Variants in ZNF407 observed in about 807,000 individuals in gnomAD.
ZNF407 encodes zinc finger protein 407.
Under a neutral mutation model 131.2 loss-of-function variants are expected in ZNF407, and 17 were observed. The observed-to-expected ratio is 0.13, with a 90% CI of 0.09 to 0.19. The LOEUF is 0.19. Ranked by LOEUF, ZNF407 falls within the 10% of genes least tolerant of loss-of-function variation. ZNF407 has a pLI of 1.00. For synonymous variants in ZNF407, 1,156 were observed against 1,062.0 expected, an observed-to-expected ratio of 1.09 and a Z score of -1.72; for missense variants, 2,681 against 2,830.6, an observed-to-expected ratio of 0.95 and a Z score of 1.20.
chr18:74,621,580 T>A (rs1318073716), intron 1 of ZNF407, among the ~76,000 whole-genome samples: 1 of 152,108 alleles, frequency 6.6e-6, no homozygotes, highest in Non-Finnish European at 1.5e-5. Context: ...CCACAGCTGC[T>A]TAAATGTCCC....
intron 4 of ZNF407, among the ~76,000 whole-genome samples, chr18:74,868,862 A>T (rs576936273): frequency 6.6e-6 from 1 of 152,230 alleles, no homozygotes; most frequent in Non-Finnish European, 1.5e-5. Context: ...TATTTCAGTG[A>T]CATTAGTGTT....
At chr18:74,831,697 A>G (rs989868568) in intron 4 of ZNF407, among the ~76,000 whole-genome samples, 1 of 152,154 alleles carries the variant, frequency 6.6e-6, no homozygotes, top group African/African-American at 2.4e-5. Context: ...CTTTTGGCCA[A>G]TGCGAATGAT....
chr18:74,623,157 C>T lies in ZNF407; in HGVS notation c.-53-7810C>T, dbSNP rs903503941. 9.3e-5 allele frequency among the ~76,000 whole-genome samples: 14 copies of T among 150,562 alleles called. No individual in the cohort carries two copies. The South Asian group carries it at 2.7e-3, about 29-fold the overall frequency. On this transcript the variant is annotated intron_variant, in intron 1 of 8. Coordinates refer to ENST00000299687, the MANE Select transcript of ZNF407 (RefSeq NM_017757.3). ...GTGTGTCCGTGTGAATGTGTGAGTG[C>T]GTGTGTGTGTACGTGTGAATGTGAA...
chr18:74,953,218 A>G (rs995504866), intron 8 of ZNF407, among the ~76,000 whole-genome samples: 11 of 152,134 alleles, frequency 7.2e-5, no homozygotes, highest in Non-Finnish European at 1.6e-4. Context: ...TGGATTCAGG[A>G]TGTCCTTGTC....
chr18:74,964,436 G>C (rs527593958), intron 8 of ZNF407, among the ~76,000 whole-genome samples: 1 of 152,268 alleles, frequency 6.6e-6, no homozygotes, highest in South Asian at 2.1e-4. Flanking sequence ...TCTGATGATA[G>C]TTTCAAAAGC....
intron 8 of ZNF407, among the ~76,000 whole-genome samples, chr18:75,045,663 C>T (rs1973426557): frequency 6.6e-6 from 1 of 152,210 alleles, no homozygotes; most frequent in Admixed American, 6.5e-5. Context: ...GCTTTCTTTG[C>T]TGCACCGTTT....
intron 3 of ZNF407, among the ~76,000 whole-genome samples, chr18:74,729,557 T>C (rs1488280942): frequency 6.6e-6 from 1 of 152,052 alleles, no homozygotes; most frequent in Non-Finnish European, 1.5e-5. Flanking sequence ...TACTGTGAAT[T>C]TGTTAAGTAT....
At chr18:75,007,174 T>C (rs1166705925) in intron 8 of ZNF407, among the ~76,000 whole-genome samples, 1 of 152,226 alleles carries the variant, frequency 6.6e-6, no homozygotes, top group East Asian at 1.9e-4. Context: ...TCAATATACT[T>C]ACTGTTAGTA....
Position 74,920,662 on chromosome 18 carries a change from G to A in ZNF407, c.5398G>A (p.Glu1800Lys), listed in dbSNP as rs1463681830. ...TTTGAAGGAACAGCATCCTGACATC[G>A]AAAACCCGGACCTCGCTTACCTGCA... ...NHLKEQHPDI[E>K]NPDLAYLHAG... The change falls in exon 8 of 9, where the codon GAA becomes AAA. Residue 1800 changes from glutamate to lysine, a missense_variant. Glu to Lys is a moderately conservative substitution (Grantham distance 56, BLOSUM62 1). Coordinates refer to ENST00000299687, the MANE Select transcript of ZNF407 (RefSeq NM_017757.3). 1.1e-5 allele frequency: 17 copies of A among 1,609,412 alleles called. No homozygotes were observed. The highest frequency in any genetic ancestry group is 3.3e-5 in the Admixed American group (2 of 59,914).
intron 3 of ZNF407, among the ~76,000 whole-genome samples, chr18:74,664,209 G>A (rs1985836042): frequency 6.6e-6 from 1 of 152,156 alleles, no homozygotes; most frequent in Non-Finnish European, 1.5e-5. Context: ...TTAAAAGAAA[G>A]GACATTTTTT....
At chr18:74,725,304 T>C (rs1193312166) in intron 3 of ZNF407, among the ~76,000 whole-genome samples, 1 of 152,170 alleles carries the variant, frequency 6.6e-6, no homozygotes. Flanking sequence ...ACCTAGACAA[T>C]TAAACATAAA....
chr18:74,661,768 T>C (rs1457077974), intron 3 of ZNF407, among the ~76,000 whole-genome samples: 1 of 152,230 alleles, frequency 6.6e-6, no homozygotes, highest in Non-Finnish European at 1.5e-5. Context: ...TACTAAGCTA[T>C]ATGCCTAGGG....
At chr18:74,878,948 C>A (rs1191799482) in intron 5 of ZNF407, among the ~76,000 whole-genome samples, 2 of 146,752 alleles carry the variant, frequency 1.4e-5, no homozygotes, top group African/African-American at 5.0e-5. Context: ...AATCAAGCCA[C>A]CCAGGTAAAT....
At chr18:74,763,529 A>T (rs1969149108) in intron 3 of ZNF407, among the ~76,000 whole-genome samples, 1 of 151,182 alleles carries the variant, frequency 6.6e-6, no homozygotes, top group Admixed American at 6.6e-5. Context: ...TTTTTTTCTT[A>T]TATTTTATTT....
chr18:74,771,751 T>C (rs908357096), intron 3 of ZNF407, among the ~76,000 whole-genome samples: 65 of 152,092 alleles, frequency 4.3e-4, no homozygotes, highest in African/African-American at 1.5e-3. Context: ...GATTGTGTGG[T>C]ATTTATTTTT....
intron 4 of ZNF407, among the ~76,000 whole-genome samples, chr18:74,792,942 C>A (rs979944338): frequency 6.6e-6 from 1 of 152,134 alleles, no homozygotes; most frequent in African/African-American, 2.4e-5. Context: ...AAGAAAATAT[C>A]TTTTATATAT....
chr18:75,007,884 C>T (rs2122174601), intron 8 of ZNF407, among the ~76,000 whole-genome samples: 1 of 152,334 alleles, frequency 6.6e-6, no homozygotes, highest in East Asian at 1.9e-4. Context: ...CCATCACTCA[C>T]TCAGGTCCTT....
At chr18:74,621,171 C>T (rs888268912) in intron 1 of ZNF407, among the ~76,000 whole-genome samples, 65 of 152,084 alleles carry the variant, frequency 4.3e-4, no homozygotes, top group African/African-American at 1.5e-3. Context: ...TTATGGGGTA[C>T]ATGAGATGTT....
intron 4 of ZNF407, among the ~76,000 whole-genome samples, chr18:74,856,626 A>G (rs955594020): frequency 1.3e-5 from 2 of 152,126 alleles, no homozygotes; most frequent in Admixed American, 1.3e-4. Context: ...TCTGTCTGCC[A>G]TTTGCTACTA....
Sources: allele counts gnomAD v4.1 joint callset (sites outside exome capture counted in the v4.1 genomes callset), GRCh38; gene constraint gnomAD v4.1.1; transcripts MANE v1.5; gene names NCBI Gene and HGNC (gene_info 2026-07-23, HGNC 2026-07-21).